The following FNIP1 variants were observed in gnomAD, a reference collection of about 807,000 sequenced individuals.
The protein encoded by FNIP1 is folliculin interacting protein 1.
A neutral mutation model predicts 124.5 loss-of-function variants in FNIP1; 40 were observed. The observed-to-expected ratio is 0.32, with a 90% CI of 0.25 to 0.42. FNIP1 has a LOEUF of 0.42. Among genes scored for constraint, FNIP1 ranks in the 10% least tolerant of loss-of-function variants. The pLI is 1.00. For missense variants in FNIP1, 1,176 were observed against 1,403.7 expected, an observed-to-expected ratio of 0.84 and a Z score of 2.59; for synonymous variants, 472 against 470.6, an observed-to-expected ratio of 1.00 and a Z score of -0.04.
At chr5:131,689,203 A>C (rs1768392685) in intron 11 of FNIP1, among the ~76,000 whole-genome samples, 1 of 151,868 alleles carries the variant, frequency 6.6e-6, no homozygotes, top group Non-Finnish European at 1.5e-5. Context: ...AAAGAAAAAC[A>C]ATAACCTAGA....
intron 17 of FNIP1, 82 bp downstream of exon 17, chr5:131,647,008 G>GA: frequency 8.1e-7 from 1 of 1,240,080 alleles, no homozygotes; most frequent in Non-Finnish European, 1.2e-6. Flanking sequence ...CACGTAAAAG[G>GA]AAAAAGGGCA....
At chr5:131,741,980 C>G (rs1014902638) in intron 2 of FNIP1, among the ~76,000 whole-genome samples, 8 of 152,168 alleles carry the variant, frequency 5.3e-5, no homozygotes, top group Non-Finnish European at 1.5e-5. Flanking sequence ...GAATTCAAGT[C>G]CAGCCTGGGC....
intron 11 of FNIP1, among the ~76,000 whole-genome samples, chr5:131,693,108 A>G (rs544321941): frequency 7.1e-4 from 108 of 151,168 alleles, no homozygotes; most frequent in Non-Finnish European, 1.3e-3. Flanking sequence ...GAATATTGCT[A>G]AGAGTAGATT....
intron 1 of FNIP1, among the ~76,000 whole-genome samples, chr5:131,769,366 T>C (rs552758733): frequency 1.1e-4 from 17 of 152,320 alleles, no homozygotes; most frequent in Non-Finnish European, 2.2e-4. Flanking sequence ...TTAAAGCAAA[T>C]ATATCACCAA....
intron 17 of FNIP1, among the ~76,000 whole-genome samples, chr5:131,645,034 T>C (rs914284163): frequency 5.9e-5 from 9 of 152,084 alleles, no homozygotes; most frequent in Non-Finnish European, 5.9e-5. Context: ...TCTAGTGTAA[T>C]AATAGCTGGG....
At chr5:131,673,554 A>T (rs976306577) in intron 13 of FNIP1, among the ~76,000 whole-genome samples, 1 of 152,252 alleles carries the variant, frequency 6.6e-6, no homozygotes, top group Non-Finnish European at 1.5e-5. Context: ...GGCTCCATGC[A>T]GAGCATTTTT....
chr5:131,720,687 T>G (rs1443580659), intron 3 of FNIP1, among the ~76,000 whole-genome samples: 1 of 152,178 alleles, frequency 6.6e-6, no homozygotes, highest in Non-Finnish European at 1.5e-5. Context: ...AATAACGCAA[T>G]TAAGGTCTTG....
intron 2 of FNIP1, among the ~76,000 whole-genome samples, chr5:131,738,245 A>G (rs1037011763): frequency 6.6e-6 from 1 of 152,130 alleles, no homozygotes; most frequent in African/African-American, 2.4e-5. Flanking sequence ...TAAACGTGTC[A>G]TATCAATTTG....
At chr5:131,655,438 C>T (rs186902466) in intron 15 of FNIP1, among the ~76,000 whole-genome samples, 1 of 152,242 alleles carries the variant, frequency 6.6e-6, no homozygotes, top group East Asian at 1.9e-4. Context: ...TTTATAAAAA[C>T]TTACACACTT....
intron 13 of FNIP1, 68 bp from the exon 14 acceptor site, chr5:131,672,992 G>T (rs544380678): frequency 3.3e-5 from 38 of 1,156,638 alleles, no homozygotes; most frequent in Middle Eastern, 4.1e-4. Context: ...TATTTTTAAT[G>T]ATCAGAAACC....
chr5:131,758,216 ATTCAT>A (rs1329200036), intron 1 of FNIP1, among the ~76,000 whole-genome samples: 1 of 152,216 alleles, frequency 6.6e-6, no homozygotes, highest in Non-Finnish European at 1.5e-5. Context: ...TTCTAAATTT[ATTCAT>A]TTCATCAAAT....
chr5:131,792,727 T>G (rs1409316132), intron 1 of FNIP1, among the ~76,000 whole-genome samples: 1 of 152,158 alleles, frequency 6.6e-6, no homozygotes, highest in Non-Finnish European at 1.5e-5. Context: ...ACAAAATCAT[T>G]AAAAAGTACT....
In FNIP1 at chr5:131,642,255, C is replaced by A. The variant is rs1208003437; in HGVS notation, c.*2430G>T. 1 of 152,142 alleles carries A rather than the reference C, an allele frequency of 6.6e-6. No homozygotes were observed. Among genetic ancestry groups the A allele is most frequent in the Non-Finnish European group, 1.5e-5 (1 of 67,976 alleles). 9.4% of individuals were successfully genotyped at this position (152,142 alleles called of 1,614,324 possible). ...GCAGCAGCTCATTCCTTGGGCTTTGCGTAAGGAAAGAATGACTATGGTGAA... is the reference window on the plus strand; with the variant it reads ...GCAGCAGCTCATTCCTTGGGCTTTGAGTAAGGAAAGAATGACTATGGTGAA... On this transcript the variant is annotated 3_prime_UTR_variant, in exon 18 of 18. Coordinates refer to ENST00000510461, the MANE Select transcript of FNIP1 (RefSeq NM_133372.3).
chr5:131,778,122 G>C (rs1022164612), intron 1 of FNIP1, among the ~76,000 whole-genome samples: 1 of 152,030 alleles, frequency 6.6e-6, no homozygotes, highest in Non-Finnish European at 1.5e-5. Context: ...ACTTTGGGGG[G>C]CCCAGGCTGC....
intron 1 of FNIP1, among the ~76,000 whole-genome samples, chr5:131,769,914 A>G (rs1771571171): frequency 6.6e-6 from 1 of 152,256 alleles, no homozygotes; most frequent in African/African-American, 2.4e-5. Context: ...CAGCTAGTGC[A>G]GACCAGAAAT....
intron 10 of FNIP1, among the ~76,000 whole-genome samples, chr5:131,703,601 C>T (rs1561664106): frequency 6.6e-6 from 1 of 152,208 alleles, no homozygotes; most frequent in Non-Finnish European, 1.5e-5. Flanking sequence ...GGTTGTAGCT[C>T]ACCTGCTCCG....
intron 9 of FNIP1, among the ~76,000 whole-genome samples, chr5:131,704,560 T>G (rs1769014802): frequency 6.6e-6 from 1 of 152,144 alleles, no homozygotes; most frequent in African/African-American, 2.4e-5. Context: ...TGGCTAAATT[T>G]TAAGATTTAT....
At chr5:131,782,575 T>C (rs1184057591) in intron 1 of FNIP1, among the ~76,000 whole-genome samples, 1 of 54,482 alleles carries the variant, frequency 1.8e-5, no homozygotes, top group South Asian at 6.6e-4. Context: ...AATGAAGAAA[T>C]AAAAAAGAAA....
chr5:131,739,760 C>G (rs113951314), intron 2 of FNIP1, among the ~76,000 whole-genome samples: 1,392 of 138,690 alleles, frequency 0.01, 27 homozygotes, highest in African/African-American at 0.036. Flanking sequence ...TTGTAGTGAG[C>G]TGAGATTGCG....
Sources: allele counts gnomAD v4.1 joint callset (sites outside exome capture counted in the v4.1 genomes callset), GRCh38; gene constraint gnomAD v4.1.1; transcripts MANE v1.5; gene names NCBI Gene and HGNC (gene_info 2026-07-23, HGNC 2026-07-21).